SPAG16: variants seen among roughly 807,000 people sequenced by gnomAD.
The protein encoded by SPAG16 is sperm associated antigen 16, also known as sperm-associated antigen 16 protein.
A neutral mutation model predicts 80.4 loss-of-function variants in SPAG16; 86 were observed. That is an observed-to-expected ratio of 1.07 (90% confidence interval 0.90 to 1.28). SPAG16 has a LOEUF of 1.28. Among genes scored for constraint, SPAG16 ranks in the 50% most tolerant of loss-of-function variants. The pLI is 0.00. For synonymous variants in SPAG16, 294 were observed against 265.9 expected, an observed-to-expected ratio of 1.11 and a Z score of -1.03; for missense variants, 870 against 765.3, an observed-to-expected ratio of 1.14 and a Z score of -1.61.
chr2:213,371,349 G>C (rs1384782747), intron 8 of SPAG16, among the ~76,000 whole-genome samples: 1 of 134,672 alleles, frequency 7.4e-6, no homozygotes, highest in Non-Finnish European at 1.5e-5. Context: ...AGTGAGCCGA[G>C]ATCGCACCAC....
At chr2:213,516,466 C>T (rs2075426918) in intron 10 of SPAG16, among the ~76,000 whole-genome samples, 1 of 152,130 alleles carries the variant, frequency 6.6e-6, no homozygotes, top group South Asian at 2.1e-4. Context: ...ACATTTCTTA[C>T]TTCCTCTGGA....
chr2:213,310,895 A>G (rs2063160684), intron 4 of SPAG16, among the ~76,000 whole-genome samples: 1 of 151,808 alleles, frequency 6.6e-6, no homozygotes. Flanking sequence ...TGCATATTCT[A>G]GAAAGGGGGA....
intron 10 of SPAG16, among the ~76,000 whole-genome samples, chr2:213,648,251 T>C (rs1460362374): frequency 1.3e-5 from 2 of 152,222 alleles, no homozygotes; most frequent in African/African-American, 4.8e-5. Context: ...ATAATCTAAC[T>C]TTGGGAATGA....
intron 10 of SPAG16, among the ~76,000 whole-genome samples, chr2:213,645,559 G>A (rs955662435): frequency 2.0e-5 from 3 of 152,200 alleles, no homozygotes; most frequent in Admixed American, 6.5e-5. Context: ...TGATAGCTAG[G>A]GCCTGTAACA....
intron 8 of SPAG16, among the ~76,000 whole-genome samples, chr2:213,373,334 C>G (rs1014206345): frequency 3.3e-5 from 5 of 152,122 alleles, no homozygotes; most frequent in Non-Finnish European, 7.4e-5. Context: ...GAGTGGAAAT[C>G]ATATTTATTC....
intron 15 of SPAG16, among the ~76,000 whole-genome samples, chr2:214,268,869 G>C (rs16851684): frequency 6.6e-6 from 1 of 151,812 alleles, no homozygotes; most frequent in Admixed American, 6.6e-5. Context: ...TGTATAAAAC[G>C]CTTTTCCCTA....
chr2:214,006,533 G>T (rs1050887573), intron 12 of SPAG16, among the ~76,000 whole-genome samples: 1 of 152,076 alleles, frequency 6.6e-6, no homozygotes, highest in Non-Finnish European at 1.5e-5. Flanking sequence ...GGAAAACCAA[G>T]ACGTAAGTTA....
intron 10 of SPAG16, among the ~76,000 whole-genome samples, chr2:213,819,760 G>C (rs913755972): frequency 2.6e-5 from 4 of 151,202 alleles, no homozygotes; most frequent in African/African-American, 9.7e-5. Context: ...TGGTTGGTTG[G>C]TTGGTTTTTT....
At chr2:213,471,467 G>T (rs991262291) in intron 9 of SPAG16, among the ~76,000 whole-genome samples, 4 of 152,100 alleles carry the variant, frequency 2.6e-5, no homozygotes, top group African/African-American at 9.7e-5. Context: ...ATAGTCAAAC[G>T]TTCAGTTTCC....
intron 12 of SPAG16, among the ~76,000 whole-genome samples, chr2:213,950,139 A>T (rs1006328911): frequency 1.3e-5 from 2 of 152,208 alleles, no homozygotes; most frequent in African/African-American, 4.8e-5. Context: ...TATTCTAGCT[A>T]GAATTAATTA....
At chr2:213,783,199 C>T (rs1221185629) in intron 10 of SPAG16, among the ~76,000 whole-genome samples, 2 of 151,386 alleles carry the variant, frequency 1.3e-5, no homozygotes, top group Non-Finnish European at 2.9e-5. Context: ...TTTCCAATTT[C>T]ATCCATGTCC....
At chr2:214,181,360 A>G (rs556029947) in intron 15 of SPAG16, among the ~76,000 whole-genome samples, 2 of 151,832 alleles carry the variant, frequency 1.3e-5, no homozygotes, top group Non-Finnish European at 2.9e-5. Flanking sequence ...ATGGTACAAA[A>G]TAGAGGCCTC....
At chr2:213,720,652 T>G (rs142785544) in intron 10 of SPAG16, among the ~76,000 whole-genome samples, 32 of 145,634 alleles carry the variant, frequency 2.2e-4, no homozygotes, top group Admixed American at 6.9e-4. Context: ...CTTAAATAAA[T>G]AAAGAAAAAA....
intron 5 of SPAG16, among the ~76,000 whole-genome samples, chr2:213,319,390 T>G (rs2063526203): frequency 6.6e-6 from 1 of 151,950 alleles, no homozygotes; most frequent in African/African-American, 2.4e-5. Flanking sequence ...AGAAATGTTT[T>G]TGCAAGGTAT....
chr2:213,604,707 A>C (rs2124989519), intron 10 of SPAG16, among the ~76,000 whole-genome samples: 1 of 151,956 alleles, frequency 6.6e-6, no homozygotes, highest in South Asian at 2.1e-4. Context: ...TCCCTTCTAC[A>C]GTTCTATTTC....
intron 12 of SPAG16, among the ~76,000 whole-genome samples, chr2:214,011,486 G>C (rs1328173578): frequency 6.6e-6 from 1 of 152,008 alleles, no homozygotes; most frequent in Non-Finnish European, 1.5e-5. Context: ...AAATATTTTT[G>C]ATTTGTGGAC....
intron 15 of SPAG16, among the ~76,000 whole-genome samples, chr2:214,331,397 C>A (rs928343967): frequency 6.6e-6 from 1 of 152,134 alleles, no homozygotes; most frequent in Admixed American, 6.5e-5. Context: ...GACCAGGTGG[C>A]AATCACAGCT....
rs139195631 is a variant in SPAG16 at position 213,388,270 on chromosome 2, A to G, written c.942+13151A>G. 3.3e-3 allele frequency among the ~76,000 whole-genome samples: 503 copies of G among 152,300 alleles called. 11 individuals are homozygous for G. In the East Asian group the frequency reaches 0.04, roughly 12 times the overall value. On this transcript the variant is annotated intron_variant, in intron 9 of 15. Coordinates refer to ENST00000331683, the MANE Select transcript of SPAG16 (RefSeq NM_024532.5). ...TGCTTTTTATCATAGAGGTGCAGACAAAGAGGGTTATAGCAATTGTTGTTT... is the reference window on the plus strand; with the variant it reads ...TGCTTTTTATCATAGAGGTGCAGACGAAGAGGGTTATAGCAATTGTTGTTT...
intron 9 of SPAG16, among the ~76,000 whole-genome samples, chr2:213,459,857 T>G (rs2072258856): frequency 6.6e-6 from 1 of 152,254 alleles, no homozygotes; most frequent in Non-Finnish European, 1.5e-5. Flanking sequence ...GGAGTGTTAT[T>G]CCACATAACC....
Sources: allele counts gnomAD v4.1 joint callset (sites outside exome capture counted in the v4.1 genomes callset), GRCh38; gene constraint gnomAD v4.1.1; transcripts MANE v1.5; gene names NCBI Gene and HGNC (gene_info 2026-07-23, HGNC 2026-07-21).